The following FBXO31 variants were observed in gnomAD, a reference collection of about 807,000 sequenced individuals.
The protein encoded by FBXO31 is F-box protein 31, also known as F-box only protein 31.
Under a neutral mutation model 54.4 loss-of-function variants are expected in FBXO31, and 24 were observed. The ratio of observed to expected loss-of-function variants is 0.44; its 90% confidence interval spans 0.32 to 0.62. The LOEUF (loss-of-function observed/expected upper bound fraction) is 0.62. FBXO31 is among the 20% of genes least tolerant of loss of function. FBXO31 has a pLI of 0.05. For missense variants in FBXO31, 665 were observed against 787.1 expected, an observed-to-expected ratio of 0.84 and a Z score of 1.86; for synonymous variants, 388 against 335.6, an observed-to-expected ratio of 1.16 and a Z score of -1.71.
chr16:87,332,819 C>A (rs972693186), intron 8 of FBXO31, among the ~76,000 whole-genome samples: 1 of 152,100 alleles, frequency 6.6e-6, no homozygotes, highest in Non-Finnish European at 1.5e-5. Context: ...TAGCAGCATA[C>A]GCACATAGTG....
chr16:87,347,010 T>A lies in FBXO31; in HGVS notation c.489+164A>T, dbSNP rs1020156454. 3.3e-5 allele frequency among the ~76,000 whole-genome samples: 5 copies of A among 152,154 alleles called. No homozygotes were observed. In the South Asian group the frequency reaches 1.0e-3, roughly 31 times the overall value. ...AGCAAACCTTTGCTCATTTGGAAAA[T>A]AAAATTGGCTCCTGAAAAGTGACAG... is the stretch of plus-strand genomic sequence containing the variant. On this transcript the variant is annotated intron_variant, in intron 3 of 8. Transcript: ENST00000311635.
At chr16:87,384,670 C>A (rs1026451553), upstream of FBXO31, among the ~76,000 whole-genome samples, 7 of 152,210 alleles carry the variant, frequency 4.6e-5, no homozygotes, top group Non-Finnish European at 1.0e-4. Flanking sequence ...GAGGCCCAGG[C>A]GGGAGTATCA....
rs1361184396 is a variant in FBXO31 at position 87,383,364 on chromosome 16, A to AC, written c.340+40dup. The AC allele has an allele frequency of 9.8e-4, 1,305 of 1,328,888 alleles. 1 individual carries two copies. The highest frequency in any genetic ancestry group is 1.2e-3 in the Admixed American group (55 of 45,454). 82.3% of individuals were successfully genotyped at this position (1,328,888 alleles called of 1,614,324 possible). On this transcript the variant is annotated intron_variant, in intron 1 of 8. Transcript: ENST00000311635. This position sits in a 1 kb window ranked among gnomAD's most constrained non-coding sequence, Gnocchi z 4.9. The stretch of plus-strand genomic sequence containing the variant: ...GCTCCGAGGCCTCCACCTGGCAGGG[A>AC]CCCCCCGCCCCTCCCGGCCCCGCCA...
intron 2 of FBXO31, among the ~76,000 whole-genome samples, chr16:87,357,391 G>A (rs1008569790): frequency 1.3e-5 from 2 of 148,436 alleles, no homozygotes; most frequent in South Asian, 2.1e-4. Context: ...GTGCAATGGC[G>A]TGATCTCGGC....
chr16:87,385,382 C>G (rs918464541), upstream of FBXO31, among the ~76,000 whole-genome samples: 2 of 150,986 alleles, frequency 1.3e-5, no homozygotes, highest in African/African-American at 4.9e-5. Flanking sequence ...GGTGTGAACC[C>G]GGGAGGCAGA....
chr16:87,371,174 G>A (rs895130350), intron 1 of FBXO31, among the ~76,000 whole-genome samples: 8 of 152,236 alleles, frequency 5.3e-5, no homozygotes, highest in Non-Finnish European at 8.8e-5. Flanking sequence ...AAACATCAGA[G>A]TATGTGGGTG....
At chr16:87,372,856 C>G (rs1693189090) in intron 1 of FBXO31, among the ~76,000 whole-genome samples, 1 of 151,732 alleles carries the variant, frequency 6.6e-6, no homozygotes, top group Non-Finnish European at 1.5e-5. Context: ...TCTGCCTCAG[C>G]CTCCCAAGTA....
In FBXO31 at chr16:87,338,336, T is replaced by C. The variant is rs1032810668; in HGVS notation, c.733-2072A>G. ...CAACACATTGTACTCGCGACCCTCGTGGCAGCGCCGGCAGAGGGGGCTGAG... is the reference window on the plus strand; with the variant it reads ...CAACACATTGTACTCGCGACCCTCGCGGCAGCGCCGGCAGAGGGGGCTGAG... On this transcript the variant is annotated intron_variant, in intron 5 of 8. Transcript: ENST00000311635. The surrounding 1 kb of genome is among the most constrained non-coding windows in gnomAD (Gnocchi z 4.3). Among the ~76,000 whole-genome samples, 4 of 151,932 alleles carry C rather than the reference T, an allele frequency of 2.6e-5. No homozygotes were observed. Among genetic ancestry groups the C allele is most frequent in the Admixed American group, 6.6e-5 (1 of 15,260 alleles).
At chr16:87,391,750 G>A (rs1907562892), upstream of FBXO31, 2 of 152,326 alleles carry the variant, frequency 1.3e-5, no homozygotes, top group African/African-American at 4.8e-5. Context: ...CTCCCCGGAA[G>A]CCACCCACGG....
upstream of FBXO31, chr16:87,384,079 A>G (rs1198701574): frequency 6.1e-6 from 1 of 164,296 alleles, no homozygotes; most frequent in African/African-American, 2.4e-5. Context: ...CGCGCTGCCT[A>G]CTGCGCTAAC....
At chr16:87,379,334 T>C (rs1273467940) in intron 1 of FBXO31, among the ~76,000 whole-genome samples, 1 of 152,082 alleles carries the variant, frequency 6.6e-6, no homozygotes, top group South Asian at 2.1e-4. Flanking sequence ...GGGGGGAGAA[T>C]AGCTGAAGGC....
intron 1 of FBXO31, among the ~76,000 whole-genome samples, chr16:87,380,175 G>A (rs1907013041): frequency 1.3e-5 from 2 of 150,002 alleles, no homozygotes; most frequent in Non-Finnish European, 1.5e-5. Flanking sequence ...GCGGGCGCCT[G>A]TAGTCCCAGC....
At position 87,383,538 on chromosome 16, in the gene FBXO31, C is replaced by T; in HGVS notation, c.207G>A (p.Glu69=). Reference sequence around the variant, plus strand: ...TCTCCACCAGCAGCTCGGGCGGCAGCTCCAGCAGCGAGCAGCGCGGGGGCG... The same window carrying T: ...TCTCCACCAGCAGCTCGGGCGGCAGTTCCAGCAGCGAGCAGCGCGGGGGCG... The part of the protein sequence containing the change: ...SPPPPRCSLL[E]LPPELLVEIF... The change falls in exon 1 of 9, where the codon GAG becomes GAA. Residue 69 remains glutamate, a synonymous_variant. Coordinates refer to ENST00000311635, the MANE Select transcript of FBXO31 (RefSeq NM_024735.5). This position sits in a 1 kb window ranked among gnomAD's most constrained non-coding sequence, Gnocchi z 4.9. The T allele has an allele frequency of 6.4e-7, 1 of 1,573,438 alleles. No individual in the cohort carries two copies. Among genetic ancestry groups the T allele is most frequent in the East Asian group, 2.4e-5 (1 of 40,858 alleles).
intron 1 of FBXO31, among the ~76,000 whole-genome samples, chr16:87,377,211 G>A (rs919442211): frequency 5.3e-5 from 8 of 152,362 alleles, no homozygotes; most frequent in South Asian, 2.1e-4. Context: ...TTGGGAGGCC[G>A]AGGCGGGCGG....
chr16:87,342,374 G>T (rs549395424), intron 5 of FBXO31, among the ~76,000 whole-genome samples: 1 of 152,256 alleles, frequency 6.6e-6, no homozygotes, highest in South Asian at 2.1e-4. Context: ...TATTTTGAGA[G>T]GGCAGTAAGA....
In FBXO31 at chr16:87,336,347, G is replaced by C; in HGVS notation, c.733-83C>G. The C allele has an allele frequency of 8.1e-6, 10 of 1,238,740 alleles. No homozygotes were observed. The highest frequency in any genetic ancestry group is 1.2e-5 in the South Asian group (1 of 82,108). The allele number at this position is 1,238,740 out of a possible 1,614,324, so 76.7% of individuals were successfully genotyped here. On this transcript the variant is annotated intron_variant, in intron 5 of 8. Transcript: ENST00000311635. This position sits in a 1 kb window ranked among gnomAD's most constrained non-coding sequence, Gnocchi z 6.5. ...CCGGCTGTGCCGCTGAGAGGACACA[G>C]TGTGTCCTTCTTTGTCAGTGCACAG...
intron 1 of FBXO31, among the ~76,000 whole-genome samples, chr16:87,382,213 T>C (rs749109087): frequency 9.8e-5 from 15 of 152,312 alleles, no homozygotes; most frequent in Non-Finnish European, 1.9e-4. Context: ...GGGAGTGAAA[T>C]ACTATGTAGC....
At chr16:87,391,291 A>G (rs1330589094), upstream of FBXO31, among the ~76,000 whole-genome samples, 1 of 152,168 alleles carries the variant, frequency 6.6e-6, no homozygotes, top group Non-Finnish European at 1.5e-5. Flanking sequence ...TGGGCAACAG[A>G]GCAAGACCCT....
chr16:87,368,624 CTT>C lies in FBXO31; in HGVS notation c.341-8260_341-8259del, dbSNP rs201112757. Reference sequence around the variant, plus strand: ...AAAAGTTTCCTTACTAATCTATTTCCTTTTTTTTTTTTTTTTTGCCTTTATAA... The same window carrying C: ...AAAAGTTTCCTTACTAATCTATTTCCTTTTTTTTTTTTTTTGCCTTTATAA... On this transcript the variant is annotated intron_variant, in intron 1 of 8. Transcript: ENST00000311635. 1.0e-2 allele frequency among the ~76,000 whole-genome samples: 1,332 copies of C among 133,528 alleles called. 6 individuals are homozygous for C. The highest frequency in any genetic ancestry group is 0.015 in the Non-Finnish European group (929 of 61,588). 87.6% of individuals were successfully genotyped at this position (133,528 alleles called of 152,430 possible). A position where few individuals can be genotyped will look rare whatever the true frequency, so the allele number is the denominator to read the frequency against.
Sources: allele counts gnomAD v4.1 joint callset (sites outside exome capture counted in the v4.1 genomes callset), GRCh38; gene constraint gnomAD v4.1.1; non-coding constraint Gnocchi (gnomAD v3.1); transcripts MANE v1.5; gene names NCBI Gene and HGNC (gene_info 2026-07-23, HGNC 2026-07-21).